The following PRKAR2A variants were observed in gnomAD, a reference collection of about 807,000 sequenced individuals.
The protein encoded by PRKAR2A is protein kinase cAMP-dependent type II regulatory subunit alpha, also known as cAMP-dependent protein kinase type II-alpha regulatory subunit.
PRKAR2A carries 29 observed loss-of-function variants against 51.9 expected under a neutral mutation model. The observed-to-expected ratio is 0.56, with a 90% CI of 0.42 to 0.76. The LOEUF (loss-of-function observed/expected upper bound fraction) is 0.76. Among genes scored for constraint, PRKAR2A ranks in the 30% least tolerant of loss-of-function variants. PRKAR2A has a pLI of 0.00. For synonymous variants in PRKAR2A, 178 were observed against 186.2 expected (o/e 0.96, Z 0.36); for missense variants, 445 against 512.1 (o/e 0.87, Z 1.26).
At chr3:48,793,860 T>C (rs2082434082) in intron 3 of PRKAR2A, 137 bp downstream of exon 3, 2 of 788,150 alleles carry the variant, frequency 2.5e-6, no homozygotes, top group Non-Finnish European at 4.2e-6. Context: ...ACTTTCAATT[T>C]GTTAGATTAA....
intron 1 of PRKAR2A, among the ~76,000 whole-genome samples, chr3:48,839,186 G>T (rs377735457): frequency 6.6e-6 from 1 of 152,168 alleles, no homozygotes; most frequent in African/African-American, 2.4e-5. Flanking sequence ...TACTCGGGAG[G>T]CTGGGGCAGG....
At chr3:48,839,868 G>A (rs1291960258) in intron 1 of PRKAR2A, among the ~76,000 whole-genome samples, 1 of 151,884 alleles carries the variant, frequency 6.6e-6, no homozygotes, top group Admixed American at 6.6e-5. Context: ...TTAAATTGTG[G>A]TAAGATGTAC....
intron 2 of PRKAR2A, among the ~76,000 whole-genome samples, chr3:48,807,376 T>C (rs1190350929): frequency 1.3e-5 from 2 of 152,032 alleles, no homozygotes; most frequent in Admixed American, 6.6e-5. Flanking sequence ...AAAAGGAATA[T>C]GAAAAATCAT....
intron 5 of PRKAR2A, among the ~76,000 whole-genome samples, chr3:48,777,541 G>A (rs892080251): frequency 6.6e-6 from 1 of 152,016 alleles, no homozygotes. Context: ...GAGCAGCTGG[G>A]ACTACAGGCA....
In PRKAR2A at chr3:48,751,172, TAG is replaced by T. The variant is rs963823067; in HGVS notation, c.*411_*412del. 1.6e-5 allele frequency: 6 copies of T among 384,366 alleles called. No homozygotes were observed. The highest frequency in any genetic ancestry group is 1.3e-4 in the Admixed American group (4 of 31,032). 23.8% of individuals were successfully genotyped at this position (384,366 alleles called of 1,614,324 possible). A position where few individuals can be genotyped will look rare whatever the true frequency, so the allele number is the denominator to read the frequency against. ...CTACATTTCCTCCTTTGAGAACCAT[TAG>T]AGAGTGTCTACAGTTATACAACAGG... On this transcript the variant is annotated 3_prime_UTR_variant, in exon 11 of 11. Transcript: ENST00000265563.
At chr3:48,841,543 C>CAA (rs397874491) in intron 1 of PRKAR2A, among the ~76,000 whole-genome samples, 102 of 59,430 alleles carry the variant, frequency 1.7e-3, no homozygotes, top group African/African-American at 3.5e-3. Context: ...GACTCTGTCT[C>CAA]AAAAAAAAAA....
intron 8 of PRKAR2A, among the ~76,000 whole-genome samples, chr3:48,757,721 G>C (rs532559771): frequency 2.0e-5 from 3 of 152,112 alleles, no homozygotes; most frequent in South Asian, 2.1e-4. Context: ...CCAGGAGTTC[G>C]ACACCAGCCT....
chr3:48,806,282 C>A (rs1367303507), intron 2 of PRKAR2A, among the ~76,000 whole-genome samples: 1 of 152,098 alleles, frequency 6.6e-6, no homozygotes, highest in Non-Finnish European at 1.5e-5. Context: ...AATTTCAAAT[C>A]AAGAAACCTT....
At chr3:48,821,474 G>A (rs2082959281) in intron 1 of PRKAR2A, among the ~76,000 whole-genome samples, 1 of 152,042 alleles carries the variant, frequency 6.6e-6, no homozygotes, top group African/African-American at 2.4e-5. Flanking sequence ...CTGGTTTTTA[G>A]AGATATGAGT....
intron 1 of PRKAR2A, among the ~76,000 whole-genome samples, chr3:48,816,377 A>G (rs1057438792): frequency 2.6e-5 from 4 of 152,226 alleles, no homozygotes; most frequent in Non-Finnish European, 4.4e-5. Context: ...TGCTCAGCAC[A>G]TGGCGGATTA....
intron 5 of PRKAR2A, among the ~76,000 whole-genome samples, chr3:48,778,591 C>T (rs1431953917): frequency 6.6e-6 from 1 of 152,166 alleles, no homozygotes; most frequent in Non-Finnish European, 1.5e-5. Context: ...ATGATCTCCA[C>T]TCACTGCAAC....
chr3:48,799,214 G>T (rs1265245357), intron 2 of PRKAR2A, among the ~76,000 whole-genome samples: 1 of 152,122 alleles, frequency 6.6e-6, no homozygotes, highest in Non-Finnish European at 1.5e-5. Context: ...ACATTATATT[G>T]TGTGTCATGA....
At chr3:48,769,301 G>A (rs1204469319) in intron 6 of PRKAR2A, among the ~76,000 whole-genome samples, 1 of 151,570 alleles carries the variant, frequency 6.6e-6, no homozygotes, top group Non-Finnish European at 1.5e-5. Flanking sequence ...GGGGCTACAG[G>A]CGCCTGCCAC....
At chr3:48,793,098 T>C (rs2082418215) in intron 3 of PRKAR2A, among the ~76,000 whole-genome samples, 1 of 151,688 alleles carries the variant, frequency 6.6e-6, no homozygotes, top group South Asian at 2.1e-4. Flanking sequence ...TATACATACA[T>C]ATATACAAAT....
chr3:48,783,139 A>C (rs773819473), intron 4 of PRKAR2A, 47 bp from the exon 5 acceptor site: 1 of 1,248,868 alleles, frequency 8.0e-7, no homozygotes, highest in Non-Finnish European at 1.2e-6. Context: ...ACATATGCTG[A>C]AAAAAAGCAG....
intron 1 of PRKAR2A, among the ~76,000 whole-genome samples, chr3:48,827,512 A>G (rs563158881): frequency 6.6e-6 from 1 of 152,382 alleles, no homozygotes; most frequent in South Asian, 2.1e-4. Flanking sequence ...ATCATTCTGC[A>G]AACATTACAG....
rs551761386 is a variant in PRKAR2A at position 48,837,641 on chromosome 3, C to T, written c.262+9694G>A. On this transcript the variant is annotated intron_variant, in intron 1 of 10. Coordinates refer to ENST00000265563, the MANE Select transcript of PRKAR2A (RefSeq NM_004157.4). ...CACAGAACTTGTACACACAAATATT[C>T]GTAGCAGCATTATTCATAATAGTCA... Among the ~76,000 whole-genome samples, 18 of 152,188 alleles carry T rather than the reference C, an allele frequency of 1.2e-4. No individual in the cohort carries two copies. The South Asian group carries it at 1.2e-3, about 11-fold the overall frequency.
At chr3:48,822,815 G>T (rs1271683369) in intron 1 of PRKAR2A, among the ~76,000 whole-genome samples, 1 of 151,250 alleles carries the variant, frequency 6.6e-6, no homozygotes, top group Admixed American at 6.6e-5. Flanking sequence ...CTTGATGTGG[G>T]GCCATTATCA....
In PRKAR2A at chr3:48,747,182, G is replaced by A. The variant is rs548669624; in HGVS notation, c.*4403C>T. 1 of 151,536 alleles carries A rather than the reference G, an allele frequency of 6.6e-6. No homozygotes were observed. Among genetic ancestry groups the A allele is most frequent in the South Asian group, 2.1e-4 (1 of 4,814 alleles). 9.4% of individuals were successfully genotyped at this position (151,536 alleles called of 1,614,324 possible). A position where few individuals can be genotyped will look rare whatever the true frequency, so the allele number is the denominator to read the frequency against. ...TCAGCAGTCAAGACAGGAGGAACAA[G>A]AGGTCATTGTAGTGAAAAACCAAAA... On this transcript the variant is annotated 3_prime_UTR_variant, in exon 11 of 11. Transcript: ENST00000265563.
Sources: allele counts gnomAD v4.1 joint callset (sites outside exome capture counted in the v4.1 genomes callset), GRCh38; gene constraint gnomAD v4.1.1; transcripts MANE v1.5; gene names NCBI Gene and HGNC (gene_info 2026-07-23, HGNC 2026-07-21).